Variants in ANGPTL2 observed in about 807,000 individuals in gnomAD.
ANGPTL2 encodes angiopoietin-related protein 2.
ANGPTL2 carries 25 observed loss-of-function variants against 52.8 expected under a neutral mutation model. That is an observed-to-expected ratio of 0.47 (90% CI 0.35 to 0.66). ANGPTL2 has a LOEUF of 0.66. Among genes scored for constraint, ANGPTL2 ranks in the 30% least tolerant of loss-of-function variants. ANGPTL2 has a pLI of 0.01. For missense variants in ANGPTL2, 546 were observed against 656.9 expected (o/e 0.83, Z 1.84); for synonymous variants, 276 against 277.4 (o/e 1.00, Z 0.05).
At position 127,088,719 on chromosome 9, in the gene ANGPTL2, C is replaced by A; in HGVS notation, c.*220G>T. On this transcript the variant is annotated 3_prime_UTR_variant, in exon 5 of 5. Coordinates refer to ENST00000373425, the MANE Select transcript of ANGPTL2 (RefSeq NM_012098.3). ...CTGTAGTCCTGTCCTGTCCTGGAGA[C>A]ATGAGGGGCTGTCTGGTGTGAAGGA... The A allele has an allele frequency of 1.7e-6, 1 of 596,530 alleles. No individual in the cohort carries two copies. 37.0% of individuals were successfully genotyped at this position (596,530 alleles called of 1,614,324 possible).
chr9:127,101,637 A>C (rs1454474978), intron 2 of ANGPTL2, among the ~76,000 whole-genome samples: 1 of 152,230 alleles, frequency 6.6e-6, no homozygotes, highest in East Asian at 1.9e-4. Context: ...ATCCACATCC[A>C]GACCAAACCC....
In ANGPTL2 at chr9:127,100,007, G is replaced by A. The variant is rs61411960; in HGVS notation, c.818-6081C>T. 6.2e-3 allele frequency among the ~76,000 whole-genome samples: 943 copies of A among 152,312 alleles called. 9 individuals are homozygous for A. The highest frequency in any genetic ancestry group is 0.021 in the African/African-American group (891 of 41,564). ...GAAAACTGCAAAATCAAAATTTATT[G>A]TATGTAATTAAATTACTACAAAGTG... On this transcript the variant is annotated intron_variant, in intron 2 of 4. Coordinates refer to ENST00000373425, the MANE Select transcript of ANGPTL2 (RefSeq NM_012098.3).
intron 2 of ANGPTL2, among the ~76,000 whole-genome samples, chr9:127,096,521 T>C (rs1436787190): frequency 6.6e-6 from 1 of 152,194 alleles, no homozygotes; most frequent in Non-Finnish European, 1.5e-5. Context: ...AGGGAGAGGC[T>C]GTGGAGGCTG....
At position 127,091,780 on chromosome 9, in the gene ANGPTL2, T is replaced by C. The variant is rs1482413241; in HGVS notation, c.1172A>G (p.Glu391Gly). 6.2e-7 allele frequency: 1 copy of C among 1,614,166 alleles called. No homozygotes were observed. Among genetic ancestry groups the C allele is most frequent in the Non-Finnish European group, 8.5e-7 (1 of 1,180,028 alleles). The change falls in exon 4 of 5, where the codon GAG (glutamate) becomes GGG (glycine). Residue 391 changes from glutamate to glycine, a missense_variant. This residue lies in a region of ANGPTL2 where 261 missense variants were observed against 361.0 expected (regional missense o/e 0.72). Coordinates refer to ENST00000373425, the MANE Select transcript of ANGPTL2 (RefSeq NM_012098.3). The surrounding 1 kb of genome is among the most constrained non-coding windows in gnomAD (Gnocchi z 4.3). ...GCGCCCCAGCCGCAGCTTATAATACTCGCTCTCAGGTTCCAGGCGGAAACT... is the reference window on the plus strand; with the variant it reads ...GCGCCCCAGCCGCAGCTTATAATACCCGCTCTCAGGTTCCAGGCGGAAACT... ...YASFRLEPES[E>G]YYKLRLGRYH...
In ANGPTL2 at chr9:127,095,801, G is replaced by A. The variant is rs903931154; in HGVS notation, c.818-1875C>T. Among the ~76,000 whole-genome samples the A allele has an allele frequency of 2.0e-5, 3 of 152,234 alleles. No individual in the cohort carries two copies. The South Asian group carries it at 6.2e-4, about 31-fold the overall frequency. On this transcript the variant is annotated intron_variant, in intron 2 of 4. Coordinates refer to ENST00000373425, the MANE Select transcript of ANGPTL2 (RefSeq NM_012098.3). ...ATAGTTATAAACCAGAAAGATTTAGGTTTCTGGTCTCTGTTAGACATCTCA... is the reference window on the plus strand; with the variant it reads ...ATAGTTATAAACCAGAAAGATTTAGATTTCTGGTCTCTGTTAGACATCTCA...
chr9:127,093,174 G>A (rs1424528577), intron 3 of ANGPTL2, among the ~76,000 whole-genome samples: 3 of 152,290 alleles, frequency 2.0e-5, no homozygotes, highest in Non-Finnish European at 4.4e-5. Context: ...GGGGAAGAAC[G>A]ATGTATGACT....
rs945340447 is a variant in ANGPTL2, at chr9:127,122,114, G to A, written c.-50+201C>T. 2.6e-5 allele frequency among the ~76,000 whole-genome samples: 4 copies of A among 152,168 alleles called. No individual in the cohort carries two copies. Among genetic ancestry groups the A allele is most frequent in the African/African-American group, 9.7e-5 (4 of 41,430 alleles). ...CCTCGAGATGCCAGCCCATGATCAT[G>A]TGCCCCCAAACACCACCAAATGTCC... On this transcript the variant is annotated intron_variant, in intron 1 of 4. Coordinates refer to ENST00000373425, the MANE Select transcript of ANGPTL2 (RefSeq NM_012098.3). The surrounding 1 kb of genome is among the most constrained non-coding windows in gnomAD (Gnocchi z 6.4).
chr9:127,120,914 C>T (rs1358373189), intron 1 of ANGPTL2, among the ~76,000 whole-genome samples: 1 of 152,070 alleles, frequency 6.6e-6, no homozygotes, highest in Non-Finnish European at 1.5e-5. Flanking sequence ...CATCAGTGAC[C>T]AAGGTTTGCT....
intron 2 of ANGPTL2, among the ~76,000 whole-genome samples, chr9:127,104,152 A>G (rs2053999304): frequency 6.6e-6 from 1 of 152,216 alleles, no homozygotes; most frequent in African/African-American, 2.4e-5. Flanking sequence ...TGAGAAATAA[A>G]GTGAACTGGT....
chr9:127,109,376 CAAAT>C (rs949275824), intron 1 of ANGPTL2, among the ~76,000 whole-genome samples: 7 of 152,178 alleles, frequency 4.6e-5, no homozygotes, highest in African/African-American at 1.7e-4. Context: ...ATTTGATAAA[CAAAT>C]GAATCGTTAG....
At chr9:127,093,977 G>A (rs577147709) in intron 2 of ANGPTL2, 51 bp from the exon 3 acceptor site, 18 of 1,575,156 alleles carry the variant, frequency 1.1e-5, no homozygotes, top group Admixed American at 6.8e-5. Flanking sequence ...TCACCAGGCC[G>A]CACCCCCAGC....
intron 1 of ANGPTL2, among the ~76,000 whole-genome samples, chr9:127,111,151 G>A (rs569810598): frequency 2.0e-5 from 3 of 152,166 alleles, no homozygotes; most frequent in Non-Finnish European, 1.5e-5. Flanking sequence ...TCTGTCAAGT[G>A]TTCTAAGCAC....
Position 127,088,537 on chromosome 9 carries a change from T to C in ANGPTL2, c.*402A>G. The C allele has an allele frequency of 4.8e-6, 1 of 208,318 alleles. No individual in the cohort carries two copies. The highest frequency in any genetic ancestry group is 9.7e-6 in the Non-Finnish European group (1 of 102,662). The allele number at this position is 208,318 out of a possible 1,614,324, so 12.9% of individuals were successfully genotyped here. A position where few individuals can be genotyped will look rare whatever the true frequency, so the allele number is the denominator to read the frequency against. On this transcript the variant is annotated 3_prime_UTR_variant, in exon 5 of 5. Coordinates refer to ENST00000373425, the MANE Select transcript of ANGPTL2 (RefSeq NM_012098.3). ...TAGGTATCTAAGGCAAACCTATATA[T>C]GGATCTAGATATATCACATGTGATG... is the stretch of plus-strand genomic sequence containing the variant.
intron 2 of ANGPTL2, 123 bp downstream of exon 2, chr9:127,107,792 A>AT (rs1190076375): frequency 1.0e-6 from 1 of 969,854 alleles, no homozygotes; most frequent in East Asian, 2.6e-5. Flanking sequence ...TTGCTGGGGG[A>AT]TTGTGCATGT....
At chr9:127,106,541 C>T (rs142149093) in intron 2 of ANGPTL2, among the ~76,000 whole-genome samples, 96 of 152,276 alleles carry the variant, frequency 6.3e-4, no homozygotes, top group Non-Finnish European at 1.1e-3. Flanking sequence ...ATGAGGAAAC[C>T]GAGCCTCAGG....
intron 3 of ANGPTL2, among the ~76,000 whole-genome samples, chr9:127,092,467 G>A (rs1277573886): frequency 6.6e-6 from 1 of 151,878 alleles, no homozygotes; most frequent in African/African-American, 2.4e-5. Flanking sequence ...TTTTTTGCAT[G>A]TGGTTTTGGG....
intron 1 of ANGPTL2, among the ~76,000 whole-genome samples, chr9:127,115,033 A>G (rs2055250720): frequency 6.6e-6 from 1 of 152,224 alleles, no homozygotes. Context: ...CCAGCTGATC[A>G]GGTGACCAGT....
At chr9:127,100,229 A>C (rs942170035) in intron 2 of ANGPTL2, among the ~76,000 whole-genome samples, 1 of 152,244 alleles carries the variant, frequency 6.6e-6, no homozygotes, top group African/African-American at 2.4e-5. Flanking sequence ...CAAAAGTATT[A>C]AATCCTTTCA....
intron 2 of ANGPTL2, among the ~76,000 whole-genome samples, chr9:127,106,189 T>C (rs1318448201): frequency 6.6e-6 from 1 of 152,184 alleles, no homozygotes; most frequent in Non-Finnish European, 1.5e-5. Context: ...TGAGTAACCA[T>C]TGAGTCCAGC....
Sources: allele counts gnomAD v4.1 joint callset (sites outside exome capture counted in the v4.1 genomes callset), GRCh38; gene constraint gnomAD v4.1.1; regional missense constraint gnomAD v4.1.1; non-coding constraint Gnocchi (gnomAD v3.1); transcripts MANE v1.5; gene names NCBI Gene and HGNC (gene_info 2026-07-23, HGNC 2026-07-21).